CSMD3: variants seen among roughly 807,000 people sequenced by gnomAD.
CSMD3 encodes CUB and Sushi multiple domains 3, also known as CUB and sushi domain-containing protein 3.
Under a neutral mutation model 435.2 loss-of-function variants are expected in CSMD3, and 177 were observed. The ratio of observed to expected loss-of-function variants is 0.41; its 90% CI spans 0.36 to 0.46. CSMD3 has a LOEUF of 0.46. Ranked by LOEUF, CSMD3 falls within the 20% of genes least tolerant of loss-of-function variation. CSMD3 has a pLI of 0.34. For missense variants in CSMD3, 4,265 were observed against 4,504.6 expected, an observed-to-expected ratio of 0.95 and a Z score of 1.52; for synonymous variants, 1,656 against 1,520.5, an observed-to-expected ratio of 1.09 and a Z score of -2.07.
rs555178979 is a variant in CSMD3 at position 112,242,836 on chromosome 8, T to C, written c.10403-1051A>G. Among the ~76,000 whole-genome samples the C allele has an allele frequency of 3.9e-5, 6 of 152,208 alleles. No individual in the cohort carries two copies. In the East Asian group the frequency reaches 1.2e-3, roughly 29 times the overall value. Reference sequence around the variant, plus strand: ...AGATAAATAAGCCAGAAATATTAGTTTGTAAGTAATCTACATAAGGACAGC... The same window carrying C: ...AGATAAATAAGCCAGAAATATTAGTCTGTAAGTAATCTACATAAGGACAGC... On this transcript the variant is annotated intron_variant, in intron 65 of 70. Transcript: ENST00000297405.
chr8:112,925,147 T>C (rs1342319128), intron 9 of CSMD3, among the ~76,000 whole-genome samples: 1 of 152,116 alleles, frequency 6.6e-6, no homozygotes, highest in Non-Finnish European at 1.5e-5. Flanking sequence ...CCAAATACCA[T>C]TAACAGTAAT....
At chr8:112,900,345 A>T (rs1287151648) in intron 10 of CSMD3, among the ~76,000 whole-genome samples, 2 of 151,284 alleles carry the variant, frequency 1.3e-5, no homozygotes, top group Non-Finnish European at 3.0e-5. Context: ...GAGGCATTTA[A>T]ATTTTGGAAG....
chr8:112,385,655 G>A (rs949513672), intron 36 of CSMD3, among the ~76,000 whole-genome samples: 1 of 152,164 alleles, frequency 6.6e-6, no homozygotes, highest in Non-Finnish European at 1.5e-5. Context: ...AGTAAAAATG[G>A]GAACCCAGAC....
At chr8:112,728,458 C>A (rs2077010737) in intron 13 of CSMD3, among the ~76,000 whole-genome samples, 1 of 151,906 alleles carries the variant, frequency 6.6e-6, no homozygotes, top group Non-Finnish European at 1.5e-5. Context: ...AAAACTTCCT[C>A]CTATATTTCT....
rs2131633482 is a variant in CSMD3 at position 112,650,335 on chromosome 8, T to C, written c.3019A>G (p.Thr1007Ala). The C allele has an allele frequency of 6.2e-7, 1 of 1,613,518 alleles. No homozygotes were observed. The highest frequency in any genetic ancestry group is 8.5e-7 in the Non-Finnish European group (1 of 1,179,534). Residue 1007 changes from threonine (T) to alanine (A), a missense_variant, in exon 19 of 71, where the codon ACG becomes GCG. Physicochemically the swap from Thr to Ala is moderately conservative, Grantham distance 58 (BLOSUM62 0). Around this residue, in one of 3 missense-constraint regions of CSMD3, gnomAD observed 3,255 missense variants for 3,380.2 expected, o/e 0.96. Transcript: ENST00000297405. ...KIHYESVTVNTYSCLDPGIPV... is the reference protein window; with the variant it reads ...KIHYESVTVNAYSCLDPGIPV... The stretch of plus-strand genomic sequence containing the variant: ...ATGCCAGGGTCCAAACAAGAATACG[T>C]GTTCACTGTAACACCTGGAAAACAA...
chr8:112,758,294 GT>G (rs2132134807), intron 13 of CSMD3, among the ~76,000 whole-genome samples: 1 of 151,706 alleles, frequency 6.6e-6, no homozygotes, highest in Non-Finnish European at 1.5e-5. Flanking sequence ...GGAGGCTGCA[GT>G]GAGCAGGGAT....
chr8:112,753,976 G>T (rs1382325681), intron 13 of CSMD3, among the ~76,000 whole-genome samples: 1 of 118,460 alleles, frequency 8.4e-6, no homozygotes, highest in Non-Finnish European at 2.0e-5. Context: ...TGAGAAAGAA[G>T]AATGGAGCTG....
chr8:113,233,544 TATA>T (rs1212102340), intron 3 of CSMD3, among the ~76,000 whole-genome samples: 6 of 151,166 alleles, frequency 4.0e-5, no homozygotes, highest in East Asian at 1.9e-4. Flanking sequence ...ATTTACATGA[TATA>T]ATAAGAAGCT....
intron 4 of CSMD3, among the ~76,000 whole-genome samples, chr8:113,124,799 A>G (rs2091081046): frequency 6.6e-6 from 1 of 151,980 alleles, no homozygotes; most frequent in Admixed American, 6.6e-5. Flanking sequence ...GCCATCTTTT[A>G]TCTTTGCACC....
Position 112,650,262 on chromosome 8 carries a change from G to T in CSMD3, c.3092C>A (p.Thr1031Asn), listed in dbSNP as rs1356131769. 6.2e-7 allele frequency: 1 copy of T among 1,613,798 alleles called. No individual in the cohort carries two copies. Among genetic ancestry groups the T allele is most frequent in the Non-Finnish European group, 8.5e-7 (1 of 1,179,796 alleles). Residue 1031 changes from threonine to asparagine, a missense_variant, in exon 19 of 71, where the codon ACT becomes AAT. By Grantham distance (65) the Thr-to-Asn change is moderately conservative. Coordinates refer to ENST00000297405, the MANE Select transcript of CSMD3 (RefSeq NM_198123.2). ...TCCTGAATCACAACTAAATGAAACA[G>T]TAGAGCCAATGGAGAAATCATGACC... ...RYGHDFSIGS[T>N]VSFSCDSGYR...
intron 13 of CSMD3, among the ~76,000 whole-genome samples, chr8:112,781,562 A>C (rs2078386694): frequency 6.6e-6 from 1 of 152,100 alleles, no homozygotes; most frequent in Non-Finnish European, 1.5e-5. Context: ...ACTAAAGAGC[A>C]CTTGGACCTT....
intron 3 of CSMD3, among the ~76,000 whole-genome samples, chr8:113,180,515 T>A (rs2092407981): frequency 6.6e-6 from 1 of 152,026 alleles, no homozygotes; most frequent in Admixed American, 6.6e-5. Context: ...ATTTTGAGCA[T>A]CTTGAGAAGA....
At position 113,193,186 on chromosome 8, in the gene CSMD3, C is replaced by T. The variant is rs561078453; in HGVS notation, c.515-19270G>A. On this transcript the variant is annotated intron_variant, in intron 3 of 70. Transcript: ENST00000297405. ...ACACTCACTTATTCCATCTCGTATT[C>T]GTATTGTGCCTCTCTTTTCAATTGT... Among the ~76,000 whole-genome samples, 29 of 151,054 alleles carry T rather than the reference C, an allele frequency of 1.9e-4. No individual in the cohort carries two copies. The South Asian group carries it at 5.6e-3, about 29-fold the overall frequency.
At chr8:112,746,732 A>C (rs6982438) in intron 13 of CSMD3, among the ~76,000 whole-genome samples, 50,466 of 151,760 alleles carry the variant, frequency 0.33, 9,245 homozygotes, top group African/African-American at 0.5. Flanking sequence ...ACTATAAAGA[A>C]AAGTTGCCTA....
chr8:112,263,156 G>GCAAAACAAA (rs1816595387), intron 61 of CSMD3, among the ~76,000 whole-genome samples: 1 of 140,550 alleles, frequency 7.1e-6, no homozygotes, highest in Non-Finnish European at 1.5e-5. Flanking sequence ...AAAAAAAAAG[G>GCAAAACAAA]CAAAACAAAC....
chr8:112,637,400 T>C (rs1240021720), intron 21 of CSMD3, among the ~76,000 whole-genome samples: 2 of 113,900 alleles, frequency 1.8e-5, no homozygotes, highest in East Asian at 4.3e-4. Context: ...ACTTTTGAAA[T>C]GCTTTTGCTT....
chr8:112,501,266 T>C (rs1178830073), intron 30 of CSMD3, among the ~76,000 whole-genome samples: 1 of 151,844 alleles, frequency 6.6e-6, no homozygotes, highest in Non-Finnish European at 1.5e-5. Context: ...ATATACACCA[T>C]AGTTAAAACT....
chr8:112,800,214 G>A lies in CSMD3; in HGVS notation c.1920C>T (p.His640=), dbSNP rs780023799. The part of the protein sequence containing the change: ...IVSMSSQMWL[H]LQTDESVGSV... ...ATCCAACACTTTCGTCCGTTTGAAG[G>A]TGCAGCCACATTTGGCTACTCATGC... is the stretch of plus-strand genomic sequence containing the variant. The change falls in exon 13 of 71, where the codon CAC becomes CAT. Residue 640 remains histidine (H), a synonymous_variant. Coordinates refer to ENST00000297405, the MANE Select transcript of CSMD3 (RefSeq NM_198123.2). 32 of 1,612,838 alleles carry A rather than the reference G, an allele frequency of 2.0e-5. No individual in the cohort carries two copies. In the South Asian group the frequency reaches 3.4e-4, roughly 17 times the overall value.
At chr8:113,125,758 A>T (rs1279661486) in intron 4 of CSMD3, among the ~76,000 whole-genome samples, 1 of 151,966 alleles carries the variant, frequency 6.6e-6, no homozygotes, top group Non-Finnish European at 1.5e-5. Context: ...CTTGAAAATC[A>T]TTGGTGGCTT....
Sources: allele counts gnomAD v4.1 joint callset (sites outside exome capture counted in the v4.1 genomes callset), GRCh38; gene constraint gnomAD v4.1.1; regional missense constraint gnomAD v4.1.1; transcripts MANE v1.5; gene names NCBI Gene and HGNC (gene_info 2026-07-23, HGNC 2026-07-21).